RBFOX3: variants seen among roughly 807,000 people sequenced by gnomAD.
RBFOX3 encodes the protein RNA binding protein fox-1 homolog 3.
RBFOX3 carries 17 observed loss-of-function variants against 48.7 expected under a neutral mutation model. The observed-to-expected ratio is 0.35, with a 90% CI of 0.24 to 0.52. RBFOX3 has a LOEUF of 0.52. Among genes scored for constraint, RBFOX3 ranks in the 20% least tolerant of loss-of-function variants. The probability of loss-of-function intolerance (pLI) is 0.94; values close to 1 mark genes in which losing one functional copy is unlikely to be tolerated. For missense variants in RBFOX3, 382 were observed against 497.5 expected (o/e 0.77, Z 2.21); for synonymous variants, 212 against 209.5 (o/e 1.01, Z -0.10).
intron 4 of RBFOX3, among the ~76,000 whole-genome samples, chr17:79,197,492 G>A (rs1250142180): frequency 2.0e-5 from 3 of 150,060 alleles, no homozygotes; most frequent in Admixed American, 6.7e-5. Flanking sequence ...AGGTTCGAGC[G>A]ATTCTCCTGC....
intron 4 of RBFOX3, among the ~76,000 whole-genome samples, chr17:79,225,309 T>A (rs1453285921): frequency 2.1e-5 from 3 of 142,892 alleles, no homozygotes; most frequent in Admixed American, 1.4e-4. Context: ...TTTTTTTTTT[T>A]AGACAGGGTC....
chr17:79,613,953 GACA>G (rs1217456788), upstream of RBFOX3, among the ~76,000 whole-genome samples: 25 of 152,340 alleles, frequency 1.6e-4, no homozygotes, highest in African/African-American at 6.0e-4. Flanking sequence ...CTCCAGCCTG[GACA>G]ACAAGAGTGA....
rs879593290 is a variant in RBFOX3 at position 79,199,630 on chromosome 17, G to A, written c.-34+36136C>T. On this transcript the variant is annotated intron_variant, in intron 4 of 14. Coordinates refer to ENST00000693108, the MANE Select transcript of RBFOX3 (RefSeq NM_001350451.2). The surrounding 1 kb of genome is among the most constrained non-coding windows in gnomAD (Gnocchi z 5.1). ...ATATGCTCTCAAAGAAGTCCCCAAA[G>A]CTTTAATTAAACTCCAATAAAAGTG... Among the ~76,000 whole-genome samples the A allele has an allele frequency of 3.9e-5, 6 of 152,092 alleles. No homozygotes were observed. The highest frequency in any genetic ancestry group is 5.9e-5 in the Non-Finnish European group (4 of 68,038).
the RBFOX3 span, among the ~76,000 whole-genome samples, chr17:79,664,062 A>C: frequency 1.3e-5 from 2 of 152,186 alleles, no homozygotes; most frequent in Admixed American, 6.5e-5. Context: ...GGGTTCCTGC[A>C]CTACTGGAAA....
At chr17:79,327,135 C>A (rs2079453159) in intron 2 of RBFOX3, among the ~76,000 whole-genome samples, 1 of 152,236 alleles carries the variant, frequency 6.6e-6, no homozygotes, top group Non-Finnish European at 1.5e-5. Context: ...GCTGGGTACC[C>A]CCCACACCTT....
chr17:79,316,140 G>A (rs1400011072), intron 2 of RBFOX3, among the ~76,000 whole-genome samples: 1 of 152,120 alleles, frequency 6.6e-6, no homozygotes, highest in Non-Finnish European at 1.5e-5. Context: ...GAGGGCGGGA[G>A]AGGCTGCGCG....
At chr17:79,326,811 TACAA>T (rs1345710802) in intron 2 of RBFOX3, among the ~76,000 whole-genome samples, 2 of 152,224 alleles carry the variant, frequency 1.3e-5, no homozygotes, top group African/African-American at 4.8e-5. Flanking sequence ...AAAAGACAGC[TACAA>T]ACAGATTTCT....
intron 4 of RBFOX3, among the ~76,000 whole-genome samples, chr17:79,223,726 C>T (rs952770557): frequency 1.3e-5 from 2 of 152,220 alleles, no homozygotes; most frequent in African/African-American, 2.4e-5. Flanking sequence ...CACTCCCCCA[C>T]CGAGGGATTC....
At chr17:79,446,741 C>G (rs1278787512) in intron 2 of RBFOX3, among the ~76,000 whole-genome samples, 1 of 152,198 alleles carries the variant, frequency 6.6e-6, no homozygotes, top group Non-Finnish European at 1.5e-5. Flanking sequence ...AGCTGCCGCT[C>G]TCAGCACACG....
In RBFOX3 at chr17:79,249,702, T is replaced by C. The variant is rs2063665603; in HGVS notation, c.-73-13897A>G. Among the ~76,000 whole-genome samples the C allele has an allele frequency of 6.6e-6, 1 of 151,484 alleles. No homozygotes were observed. The highest frequency in any genetic ancestry group is 1.9e-4 in the East Asian group (1 of 5,170). ...TTCCCCTGCCTCGCCCGTTCCTTCC[T>C]AGGGAAACCACAGTCAAGACCCCTG... On this transcript the variant is annotated intron_variant, in intron 3 of 14. Coordinates refer to ENST00000693108, the MANE Select transcript of RBFOX3 (RefSeq NM_001350451.2). This position sits in a 1 kb window ranked among gnomAD's most constrained non-coding sequence, Gnocchi z 4.1.
intron 2 of RBFOX3, among the ~76,000 whole-genome samples, chr17:79,462,654 A>C (rs903264522): frequency 6.6e-6 from 1 of 152,178 alleles, no homozygotes; most frequent in Non-Finnish European, 1.5e-5. Context: ...AGCCCAAAAC[A>C]TCACTAGTGC....
chr17:79,126,478 G>A (rs915206247), intron 4 of RBFOX3, among the ~76,000 whole-genome samples: 6 of 152,200 alleles, frequency 3.9e-5, no homozygotes, highest in African/African-American at 1.2e-4. Flanking sequence ...CTGGCAGGTA[G>A]GGGGTGTGGG....
intron 1 of RBFOX3, among the ~76,000 whole-genome samples, chr17:79,503,394 C>T (rs997122804): frequency 3.3e-5 from 5 of 152,126 alleles, no homozygotes; most frequent in Admixed American, 6.5e-5. Flanking sequence ...TTCTAGGAGC[C>T]ATATTTTAAA....
At chr17:79,237,306 G>A (rs556953042) in intron 3 of RBFOX3, among the ~76,000 whole-genome samples, 5 of 152,322 alleles carry the variant, frequency 3.3e-5, no homozygotes, top group Middle Eastern at 3.4e-3. Context: ...TACTGCGGTC[G>A]TTTAGTTTGC....
chr17:79,593,299 G>A (rs1175404645), intron 1 of RBFOX3, among the ~76,000 whole-genome samples: 5 of 145,262 alleles, frequency 3.4e-5, no homozygotes, highest in Admixed American at 6.8e-5. Context: ...TGGAGGGCGC[G>A]TCATGTGTGC....
the RBFOX3 span, among the ~76,000 whole-genome samples, chr17:79,641,896 T>C: frequency 6.6e-6 from 1 of 152,220 alleles, no homozygotes; most frequent in African/African-American, 2.4e-5. Flanking sequence ...GCTCTGGCCA[T>C]GTAAAGTGCT....
At chr17:79,452,737 G>A (rs1283576863) in intron 2 of RBFOX3, among the ~76,000 whole-genome samples, 3 of 152,210 alleles carry the variant, frequency 2.0e-5, no homozygotes, top group Non-Finnish European at 4.4e-5. Flanking sequence ...CCAACTGCTG[G>A]AGAAGTTGGC....
At chr17:79,320,768 C>T (rs527893725) in intron 2 of RBFOX3, among the ~76,000 whole-genome samples, 71 of 152,216 alleles carry the variant, frequency 4.7e-4, no homozygotes, top group African/African-American at 1.6e-3. Flanking sequence ...AGTCTGTCTT[C>T]CCCCTAAAAC....
At chr17:79,520,666 G>A (rs2085932458) in intron 1 of RBFOX3, among the ~76,000 whole-genome samples, 1 of 152,314 alleles carries the variant, frequency 6.6e-6, no homozygotes, top group East Asian at 1.9e-4. Context: ...GACAGCCGGC[G>A]CCACCCTGCA....
Sources: allele counts gnomAD v4.1 joint callset (sites outside exome capture counted in the v4.1 genomes callset), GRCh38; gene constraint gnomAD v4.1.1; non-coding constraint Gnocchi (gnomAD v3.1); transcripts MANE v1.5; gene names NCBI Gene and HGNC (gene_info 2026-07-23, HGNC 2026-07-21).